The following SGTB variants were observed in gnomAD, a reference collection of about 807,000 sequenced individuals.
SGTB encodes the protein small glutamine rich tetratricopeptide repeat co-chaperone beta.
Under a neutral mutation model 43.9 loss-of-function variants are expected in SGTB, and 19 were observed. The observed-to-expected ratio is 0.43, with a 90% CI of 0.30 to 0.63. The LOEUF is 0.63. Ranked by LOEUF, SGTB falls within the 30% of genes least tolerant of loss-of-function variation. The pLI, the probability that SGTB is intolerant of heterozygous loss-of-function variation, is 0.12. For missense variants in SGTB, 304 were observed against 358.9 expected (o/e 0.85, Z 1.24); for synonymous variants, 116 against 117.3 (o/e 0.99, Z 0.07).
Position 65,671,959 on chromosome 5 carries a change from A to G in SGTB, c.759T>C (p.Ala253=), listed in dbSNP as rs1234409132. ...GGTCAGTTAGGCCCCCAACTCCAGC[A>G]GCAGGTCCCCCAATGGCATTTGTCA... ...GMMTNAIGGP[A]AGVGGLTDLS... Residue 253 remains alanine (A), a synonymous_variant, in exon 10 of 11, where the codon GCT becomes GCC. Coordinates refer to ENST00000381007, the MANE Select transcript of SGTB (RefSeq NM_019072.3). 1 of 1,613,966 alleles carries G rather than the reference A, an allele frequency of 6.2e-7. No individual in the cohort carries two copies. Among genetic ancestry groups the G allele is most frequent in the Admixed American group, 1.7e-5 (1 of 59,976 alleles).
chr5:65,702,315 G>A (rs532023480), intron 5 of SGTB, among the ~76,000 whole-genome samples: 3 of 152,078 alleles, frequency 2.0e-5, no homozygotes, highest in Non-Finnish European at 4.4e-5. Flanking sequence ...AGACAAGGAT[G>A]AGAAGCAGCC....
chr5:65,670,715 C>T (rs192506244), intron 10 of SGTB, among the ~76,000 whole-genome samples: 10 of 152,310 alleles, frequency 6.6e-5, no homozygotes, highest in Non-Finnish European at 1.3e-4. Flanking sequence ...TCTCATATAA[C>T]ACCCAGTTTG....
chr5:65,701,630 A>T (rs944586575), intron 5 of SGTB, among the ~76,000 whole-genome samples: 2,213 of 126,612 alleles, frequency 0.017, 158 homozygotes, highest in African/African-American at 0.061. Context: ...TTTAAATTAA[A>T]TTTTTTTTTT....
At position 65,666,355 on chromosome 5, in the gene SGTB, A is replaced by G. The variant is rs1381850415; in HGVS notation, c.*3891T>C. ...AGAAAGGATCTGTTTAACCTATATT[A>G]TAAAAGTTAGATACACAATTTGGTA... On this transcript the variant is annotated 3_prime_UTR_variant, in exon 11 of 11. Coordinates refer to ENST00000381007, the MANE Select transcript of SGTB (RefSeq NM_019072.3). 2.6e-5 allele frequency: 4 copies of G among 152,200 alleles called. No homozygotes were observed. The highest frequency in any genetic ancestry group is 7.2e-5 in the African/African-American group (3 of 41,468). The allele number at this position is 152,200 out of a possible 1,614,324, so 9.4% of individuals were successfully genotyped here.
intron 9 of SGTB, 107 bp from the exon 10 acceptor site, chr5:65,672,105 G>A (rs1052009679): frequency 1.3e-6 from 2 of 1,563,948 alleles, no homozygotes; most frequent in African/African-American, 1.4e-5. Flanking sequence ...CCAGAGGCTA[G>A]GCCAAATGTG....
intron 5 of SGTB, 56 bp downstream of exon 5, chr5:65,704,223 A>C (rs1757886920): frequency 8.2e-7 from 1 of 1,223,580 alleles, no homozygotes. Flanking sequence ...TTTCCTTCAG[A>C]GCTATTAATC....
intron 3 of SGTB, among the ~76,000 whole-genome samples, chr5:65,710,732 C>T (rs983215981): frequency 1.2e-4 from 18 of 152,178 alleles, no homozygotes; most frequent in African/African-American, 4.3e-4. Context: ...GTGGCTCACG[C>T]CTGTAATCCC....
At chr5:65,704,181 T>G (rs1402558890) in intron 5 of SGTB, 98 bp downstream of exon 5, 2 of 914,948 alleles carry the variant, frequency 2.2e-6, no homozygotes, top group Non-Finnish European at 3.1e-6. Context: ...TTTCTGAACT[T>G]TCAAAATTTT....
intron 2 of SGTB, among the ~76,000 whole-genome samples, chr5:65,718,549 ATAAT>A (rs931599138): frequency 6.6e-6 from 1 of 152,228 alleles, no homozygotes; most frequent in Non-Finnish European, 1.5e-5. Context: ...GTAGATGACA[ATAAT>A]TAAGAGGAGT....
Position 65,704,352 on chromosome 5 carries a change from A to T in SGTB, c.301T>A (p.Tyr101Asn). The T allele has an allele frequency of 6.2e-7, 1 of 1,612,408 alleles. No individual in the cohort carries two copies. ...GTGTAACAATCCACTGCAGCAGCAT[A>T]ATTTTCTTCTTTCATGTGGTTATTG... is the stretch of plus-strand genomic sequence containing the variant. ...EGNNHMKEEN[Y>N]AAAVDCYTQA... Residue 101 changes from tyrosine (Y) to asparagine (N), a missense_variant, in exon 5 of 11, where the codon TAT becomes AAT. Coordinates refer to ENST00000381007, the MANE Select transcript of SGTB (RefSeq NM_019072.3).
intron 8 of SGTB, among the ~76,000 whole-genome samples, chr5:65,679,010 A>T (rs1757337874): frequency 6.6e-6 from 1 of 152,240 alleles, no homozygotes; most frequent in Non-Finnish European, 1.5e-5. Context: ...ATTAAACTAA[A>T]GAGTTTCTTT....
intron 8 of SGTB, among the ~76,000 whole-genome samples, chr5:65,678,314 A>G (rs991675868): frequency 1.3e-5 from 2 of 152,230 alleles, no homozygotes; most frequent in African/African-American, 4.8e-5. Flanking sequence ...CTCTTCAAGG[A>G]GAACTACAAA....
intron 8 of SGTB, among the ~76,000 whole-genome samples, chr5:65,675,797 G>T (rs535865514): frequency 6.6e-6 from 1 of 152,278 alleles, no homozygotes; most frequent in Admixed American, 6.5e-5. Context: ...AATGCCGAGG[G>T]AATTCATTAC....
chr5:65,710,923 C>A (rs997723457), intron 3 of SGTB, among the ~76,000 whole-genome samples: 1 of 147,094 alleles, frequency 6.8e-6, no homozygotes, highest in African/African-American at 2.5e-5. Flanking sequence ...TTGAAACTGG[C>A]AGGCAGAAGT....
chr5:65,679,874 TGCA>T, intron 8 of SGTB, among the ~76,000 whole-genome samples: 1 of 152,362 alleles, frequency 6.6e-6, no homozygotes, highest in East Asian at 1.9e-4. Flanking sequence ...GTATGTTCAC[TGCA>T]GCACTATTCA....
chr5:65,682,679 T>G (rs969029531), intron 6 of SGTB, among the ~76,000 whole-genome samples: 2 of 152,302 alleles, frequency 1.3e-5, no homozygotes, highest in Admixed American at 6.5e-5. Context: ...GTATTGAGAT[T>G]GGAAAGATTT....
chr5:65,720,266 G>A (rs543884467), intron 2 of SGTB, among the ~76,000 whole-genome samples: 2 of 151,938 alleles, frequency 1.3e-5, no homozygotes, highest in East Asian at 3.9e-4. Flanking sequence ...ATTTTTAGTA[G>A]AGACAGGGTT....
At chr5:65,687,680 A>C (rs897496410) in intron 5 of SGTB, among the ~76,000 whole-genome samples, 1 of 152,172 alleles carries the variant, frequency 6.6e-6, no homozygotes, top group Non-Finnish European at 1.5e-5. Flanking sequence ...TGGTTGCTTG[A>C]AGGAGAACAG....
At chr5:65,722,384 G>C, upstream of SGTB, 1 of 1,587,246 alleles carries the variant, frequency 6.3e-7, no homozygotes, top group Non-Finnish European at 8.6e-7. Context: ...ATGATCGCCC[G>C]GTGCCTTTTG....
Sources: gnomAD v4.1 joint callset for allele counts (sites outside exome capture counted in the v4.1 genomes callset) on GRCh38, gnomAD v4.1.1 for gene constraint, MANE v1.5 for transcripts, NCBI Gene and HGNC (gene_info 2026-07-23, HGNC 2026-07-21) for gene names.